Variants in ST7 observed in about 807,000 individuals in gnomAD.
The protein encoded by ST7 is suppressor of tumorigenicity 7 protein.
Under a neutral mutation model 78.7 loss-of-function variants are expected in ST7, and 28 were observed. The observed-to-expected ratio is 0.36, with a 90% confidence interval of 0.26 to 0.49. The LOEUF is 0.49. Among genes scored for constraint, ST7 ranks in the 20% least tolerant of loss-of-function variants. The pLI is 0.99. For missense variants in ST7, 418 were observed against 696.0 expected (o/e 0.60, Z 4.49); for synonymous variants, 247 against 249.6 (o/e 0.99, Z 0.10).
intron 1 of ST7, among the ~76,000 whole-genome samples, chr7:117,034,965 G>A (rs1317490593): frequency 6.6e-6 from 1 of 152,082 alleles, no homozygotes; most frequent in East Asian, 1.9e-4. Context: ...GTGTAAGGGT[G>A]ATCCGGAAAC....
chr7:117,039,116 A>G (rs540490719), intron 1 of ST7, among the ~76,000 whole-genome samples: 2 of 152,166 alleles, frequency 1.3e-5, no homozygotes, highest in East Asian at 1.9e-4. Flanking sequence ...TTCTCTATAA[A>G]TAGATGTGGC....
chr7:117,003,010 G>A (rs913246990), intron 1 of ST7, among the ~76,000 whole-genome samples: 1 of 151,362 alleles, frequency 6.6e-6, no homozygotes, highest in South Asian at 2.1e-4. Flanking sequence ...TTTTAGTAGA[G>A]ACAGGTTTTC....
At chr7:117,175,459 A>G (rs980206294) in intron 10 of ST7, among the ~76,000 whole-genome samples, 1 of 152,194 alleles carries the variant, frequency 6.6e-6, no homozygotes, top group Non-Finnish European at 1.5e-5. Context: ...AAGCGAACAC[A>G]GGTCTGAGCA....
At chr7:116,955,396 C>T (rs1039599771) in intron 1 of ST7, among the ~76,000 whole-genome samples, 1 of 152,092 alleles carries the variant, frequency 6.6e-6, no homozygotes, top group Non-Finnish European at 1.5e-5. Context: ...GCTGTCATCC[C>T]TTGGTGGAAG....
intron 1 of ST7, among the ~76,000 whole-genome samples, chr7:117,004,383 A>T (rs1420170789): frequency 6.6e-6 from 1 of 152,222 alleles, no homozygotes; most frequent in African/African-American, 2.4e-5. Flanking sequence ...CAACTTGTTT[A>T]ATCTCAACAA....
chr7:117,134,236 G>C (rs374076223), intron 7 of ST7, 44 bp downstream of exon 7: 1 of 1,609,056 alleles, frequency 6.2e-7, no homozygotes, highest in African/African-American at 1.3e-5. Flanking sequence ...AACCAAATGA[G>C]ACTTCTAGTG....
At chr7:116,979,170 A>G (rs1158477048) in intron 1 of ST7, among the ~76,000 whole-genome samples, 1 of 152,112 alleles carries the variant, frequency 6.6e-6, no homozygotes, top group African/African-American at 2.4e-5. Context: ...CACCCTATTA[A>G]TCCCCTGTTG....
intron 2 of ST7, among the ~76,000 whole-genome samples, chr7:117,100,254 T>C (rs1010006645): frequency 6.6e-6 from 1 of 152,038 alleles, no homozygotes. Context: ...GGCAGATCAC[T>C]TGAGGTTAGG....
In ST7 at chr7:117,108,843, T is replaced by A. The variant is rs111873693; in HGVS notation, c.234+8999T>A. Among the ~76,000 whole-genome samples, 422 of 152,308 alleles carry A rather than the reference T, an allele frequency of 2.8e-3. 1 individual carries two copies. The highest frequency in any genetic ancestry group is 9.4e-3 in the African/African-American group (389 of 41,560). On this transcript the variant is annotated intron_variant, in intron 2 of 15. Transcript: ENST00000323984. ...AGTGTATTCCTAAGTATTTTTTTAT[T>A]TTTTTATTTTTACAGCTACTGTAAA...
Position 117,082,988 on chromosome 7 carries a change from C to G in ST7, c.152-16774C>G, listed in dbSNP as rs149919402. On this transcript the variant is annotated intron_variant, in intron 1 of 15. Coordinates refer to ENST00000323984, the MANE Select transcript of ST7 (RefSeq NM_001369598.1). ...ACATATCTAGTGACAGGATGTATTT[C>G]AGCACAGTTTAGGAATTGGTCAACT... is the stretch of plus-strand genomic sequence containing the variant. 5.3e-3 allele frequency among the ~76,000 whole-genome samples: 809 copies of G among 152,310 alleles called. 6 individuals are homozygous for G. The highest frequency in any genetic ancestry group is 5.4e-3 in the Non-Finnish European group (368 of 68,022).
intron 12 of ST7, among the ~76,000 whole-genome samples, chr7:117,206,799 G>T (rs974850870): frequency 1.3e-5 from 2 of 152,078 alleles, no homozygotes; most frequent in East Asian, 3.9e-4. Context: ...ATTTTTTCAT[G>T]TTAAAAATTG....
At chr7:117,179,088 A>C (rs1205412811) in intron 10 of ST7, among the ~76,000 whole-genome samples, 1 of 152,200 alleles carries the variant, frequency 6.6e-6, no homozygotes, top group Non-Finnish European at 1.5e-5. Flanking sequence ...CATCGAGATT[A>C]GAGCACCAAC....
At chr7:117,055,437 C>A (rs879925354) in intron 1 of ST7, among the ~76,000 whole-genome samples, 83 of 152,250 alleles carry the variant, frequency 5.5e-4, no homozygotes, top group African/African-American at 1.9e-3. Context: ...CTCCTGACCT[C>A]AGGTGATCCT....
intron 1 of ST7, among the ~76,000 whole-genome samples, chr7:117,060,547 T>C (rs886638405): frequency 1.3e-5 from 2 of 152,164 alleles, no homozygotes; most frequent in African/African-American, 4.8e-5. Flanking sequence ...GAACCCACAG[T>C]GTGATTTCAA....
At position 117,033,419 on chromosome 7, in the gene ST7, G is replaced by A. The variant is rs188093399; in HGVS notation, c.152-66343G>A. The stretch of plus-strand genomic sequence containing the variant: ...GATTTGTATTACTGTTTGTATACAT[G>A]CTTTTTTTTTTTTTTCTTTTTGGAG... On this transcript the variant is annotated intron_variant, in intron 1 of 15. Transcript: ENST00000323984. 2.0e-3 allele frequency among the ~76,000 whole-genome samples: 301 copies of A among 150,266 alleles called. 2 individuals carry two copies. Among genetic ancestry groups the A allele is most frequent in the African/African-American group, 6.2e-3 (255 of 40,936 alleles).
chr7:117,043,256 A>G (rs1162933578), intron 1 of ST7, among the ~76,000 whole-genome samples: 1 of 152,206 alleles, frequency 6.6e-6, no homozygotes, highest in Non-Finnish European at 1.5e-5. Flanking sequence ...ATTTTGACTT[A>G]AAGCCTCCCA....
At chr7:117,164,514 A>G (rs1388140809) in intron 9 of ST7, among the ~76,000 whole-genome samples, 2 of 152,136 alleles carry the variant, frequency 1.3e-5, no homozygotes, top group Non-Finnish European at 2.9e-5. Context: ...CCAGGAGATG[A>G]AGAAACCAAA....
chr7:117,131,502 TC>T (rs2117023692), intron 5 of ST7, among the ~76,000 whole-genome samples: 1 of 151,996 alleles, frequency 6.6e-6, no homozygotes, highest in African/African-American at 2.4e-5. Context: ...GTTAAGTGCT[TC>T]GGAAAATGAC....
chr7:117,051,808 G>C (rs1243866143), intron 1 of ST7, among the ~76,000 whole-genome samples: 1 of 152,180 alleles, frequency 6.6e-6, no homozygotes, highest in Admixed American at 6.6e-5. Flanking sequence ...GAGAAATCAA[G>C]GATGATTCCC....
Sources: gnomAD v4.1 joint callset for allele counts (sites outside exome capture counted in the v4.1 genomes callset) on GRCh38, gnomAD v4.1.1 for gene constraint, MANE v1.5 for transcripts, NCBI Gene and HGNC (gene_info 2026-07-23, HGNC 2026-07-21) for gene names.